Variants in IGF2BP2 observed in about 807,000 individuals in gnomAD.
IGF2BP2 encodes the protein insulin like growth factor 2 mRNA binding protein 2.
In IGF2BP2, 17 loss-of-function variants were observed where a neutral mutation model predicts 75.8. The ratio of observed to expected loss-of-function variants is 0.22; its 90% confidence interval spans 0.15 to 0.34. IGF2BP2 has a LOEUF of 0.34. Ranked by LOEUF, IGF2BP2 falls within the 10% of genes least tolerant of loss-of-function variation. IGF2BP2 has a pLI of 1.00. For missense variants in IGF2BP2, 516 were observed against 772.4 expected (o/e 0.67, Z 3.93); for synonymous variants, 288 against 295.6 (o/e 0.97, Z 0.26).
chr3:185,725,448 T>A (rs1310649424), intron 2 of IGF2BP2, among the ~76,000 whole-genome samples: 1 of 152,024 alleles, frequency 6.6e-6, no homozygotes, highest in Non-Finnish European at 1.5e-5. Context: ...TGGAGGGTGT[T>A]AAAGGTCACA....
At position 185,696,604 on chromosome 3, in the gene IGF2BP2, C is replaced by G; in HGVS notation, c.340+8G>C. 6.2e-7 allele frequency: 1 copy of G among 1,613,170 alleles called. No homozygotes were observed. Among genetic ancestry groups the G allele is most frequent in the Non-Finnish European group, 8.5e-7 (1 of 1,179,262 alleles). On this transcript the variant is annotated splice_region_variant and intron_variant, in intron 4 of 15. Coordinates refer to ENST00000382199, the MANE Select transcript of IGF2BP2 (RefSeq NM_006548.6). ...CTCCAAAACCCAAAAGGCTTCCTCA[C>G]TTATTACCTTGTTCCACATTCTCCA...
At chr3:185,717,571 A>T (rs1005579646) in intron 2 of IGF2BP2, 1 of 152,248 alleles carries the variant, frequency 6.6e-6, no homozygotes, top group East Asian at 1.9e-4. Context: ...TAAAGGCTAG[A>T]AGAAAAGAAG....
intron 2 of IGF2BP2, among the ~76,000 whole-genome samples, chr3:185,737,861 T>G (rs1047478152): frequency 1.3e-5 from 2 of 152,248 alleles, no homozygotes; most frequent in African/African-American, 4.8e-5. Context: ...TCCTGCTGTC[T>G]CTTGGATTAT....
chr3:185,823,371 G>A, intron 1 of IGF2BP2, 158 bp from the exon 2 acceptor site: 1 of 501,822 alleles, frequency 2.0e-6, no homozygotes, highest in Non-Finnish European at 3.6e-6. Context: ...GTTCCCAGTA[G>A]AAAGAAAGGT....
At chr3:185,799,751 CA>C (rs553267954) in intron 2 of IGF2BP2, among the ~76,000 whole-genome samples, 8,801 of 109,788 alleles carry the variant, frequency 0.08, 749 homozygotes, top group African/African-American at 0.25. Flanking sequence ...GACTCCGTCT[CA>C]AAAAAAAAAA....
chr3:185,726,584 A>G (rs2149491549), intron 2 of IGF2BP2, among the ~76,000 whole-genome samples: 1 of 152,334 alleles, frequency 6.6e-6, no homozygotes, highest in Middle Eastern at 3.4e-3. Flanking sequence ...AATAGACCCA[A>G]TACCTATCTT....
intron 2 of IGF2BP2, among the ~76,000 whole-genome samples, chr3:185,802,518 T>C (rs150032799): frequency 4.6e-4 from 70 of 152,370 alleles, no homozygotes; most frequent in African/African-American, 1.7e-3. Flanking sequence ...TGCATCGTAG[T>C]GGGTGCTGAA....
intron 2 of IGF2BP2, among the ~76,000 whole-genome samples, chr3:185,714,438 T>C (rs1252525257): frequency 1.3e-5 from 2 of 152,204 alleles, no homozygotes; most frequent in Non-Finnish European, 2.9e-5. Context: ...TCTTGGAAGA[T>C]AAACTCCTAG....
At chr3:185,696,093 G>A (rs1406647139) in intron 4 of IGF2BP2, among the ~76,000 whole-genome samples, 1 of 152,052 alleles carries the variant, frequency 6.6e-6, no homozygotes, top group African/African-American at 2.4e-5. Context: ...GGCCTCGGGT[G>A]CTTTTTTAAA....
rs566842766 is a variant in IGF2BP2, at chr3:185,645,900, G to A, written c.1708-277C>T. 1.3e-5 allele frequency among the ~76,000 whole-genome samples: 2 copies of A among 152,302 alleles called. No homozygotes were observed. The highest frequency in any genetic ancestry group is 2.9e-5 in the Non-Finnish European group (2 of 68,040). ...TGGACGGACAGGCCAGGAAGCAGAA[G>A]CAGGGCGCCAGCAACTGGGGGCCGT... On this transcript the variant is annotated intron_variant, in intron 15 of 15. Transcript: ENST00000382199. This position sits in a 1 kb window ranked among gnomAD's most constrained non-coding sequence, Gnocchi z 4.9.
At chr3:185,809,437 A>T (rs892294534) in intron 2 of IGF2BP2, among the ~76,000 whole-genome samples, 14 of 152,198 alleles carry the variant, frequency 9.2e-5, no homozygotes, top group Non-Finnish European at 1.6e-4. Flanking sequence ...GCCCATGAAG[A>T]AATGTTATTC....
intron 12 of IGF2BP2, among the ~76,000 whole-genome samples, chr3:185,656,918 A>G (rs1351113815): frequency 6.6e-6 from 1 of 152,188 alleles, no homozygotes; most frequent in African/African-American, 2.4e-5. Context: ...GGGCCTGTGA[A>G]GTGGAGACTC....
At chr3:185,663,759 T>C (rs1716854122) in intron 10 of IGF2BP2, among the ~76,000 whole-genome samples, 1 of 152,320 alleles carries the variant, frequency 6.6e-6, no homozygotes, top group East Asian at 1.9e-4. Context: ...TTATTACTTA[T>C]TTTCTTCTAC....
chr3:185,747,443 C>T (rs1730390336), intron 2 of IGF2BP2, among the ~76,000 whole-genome samples: 1 of 152,052 alleles, frequency 6.6e-6, no homozygotes, highest in South Asian at 2.1e-4. Context: ...CTTTGGGAGG[C>T]CAAGAGGGGT....
chr3:185,681,725 T>C (rs951422582), intron 7 of IGF2BP2, among the ~76,000 whole-genome samples: 4 of 152,094 alleles, frequency 2.6e-5, no homozygotes, highest in Non-Finnish European at 4.4e-5. Context: ...AACAGATAAA[T>C]AGACCAATGA....
intron 3 of IGF2BP2, among the ~76,000 whole-genome samples, chr3:185,697,841 G>A (rs753770441): frequency 2.4e-4 from 37 of 152,062 alleles, no homozygotes; most frequent in Admixed American, 5.9e-4. Flanking sequence ...AAAATTAGCC[G>A]GGCATGGTGG....
At chr3:185,691,655 C>A (rs1323076440) in intron 5 of IGF2BP2, among the ~76,000 whole-genome samples, 1 of 152,084 alleles carries the variant, frequency 6.6e-6, no homozygotes, top group East Asian at 1.9e-4. Context: ...TTATTTTGCC[C>A]AGGCTGGTCT....
chr3:185,707,497 C>T (rs778715593), intron 2 of IGF2BP2, among the ~76,000 whole-genome samples: 18 of 151,458 alleles, frequency 1.2e-4, no homozygotes, highest in South Asian at 4.2e-4. Context: ...TTAGTAGAGA[C>T]GGGGTTTCAC....
chr3:185,712,838 G>A (rs1354150558), intron 2 of IGF2BP2, among the ~76,000 whole-genome samples: 4 of 152,034 alleles, frequency 2.6e-5, no homozygotes, highest in Non-Finnish European at 4.4e-5. Context: ...ATAATTGGAT[G>A]GCTTACAAAT....
Sources: allele counts gnomAD v4.1 joint callset (sites outside exome capture counted in the v4.1 genomes callset), GRCh38; gene constraint gnomAD v4.1.1; non-coding constraint Gnocchi (gnomAD v3.1); transcripts MANE v1.5; gene names NCBI Gene and HGNC (gene_info 2026-07-23, HGNC 2026-07-21).